Variants in SHISAL2A observed in about 807,000 individuals in gnomAD.
SHISAL2A encodes the protein protein shisa-like-2A.
Under a neutral mutation model 11.5 loss-of-function variants are expected in SHISAL2A, and 18 were observed. The observed-to-expected ratio is 1.57, with a 90% CI of 1.08 to 2.33. SHISAL2A has a LOEUF of 2.33. Among genes scored for constraint, SHISAL2A ranks in the 30% most tolerant of loss-of-function variants. The pLI, the probability that SHISAL2A is intolerant of heterozygous loss-of-function variation, is 0.00. For synonymous variants in SHISAL2A, 94 were observed against 99.6 expected (o/e 0.94, Z 0.34); for missense variants, 261 against 250.9 (o/e 1.04, Z -0.27).
At position 52,645,462 on chromosome 1, in the gene SHISAL2A, G is replaced by A. The variant is rs189853405; in HGVS notation, c.322+2460G>A. On this transcript the variant is annotated intron_variant, in intron 2 of 2. Coordinates refer to ENST00000517870, the MANE Select transcript of SHISAL2A (RefSeq NM_001042693.3). ...TCACTCCAGTTGCCCAGGCTGGAATGCAGTGGCGTAATCATGGCTCACTGC... is the reference window on the plus strand; with the variant it reads ...TCACTCCAGTTGCCCAGGCTGGAATACAGTGGCGTAATCATGGCTCACTGC... Among the ~76,000 whole-genome samples, 321 of 130,424 alleles carry A rather than the reference G, an allele frequency of 2.5e-3. 3 individuals carry two copies. The highest frequency in any genetic ancestry group is 0.019 in the Admixed American group (251 of 12,970). The allele number at this position is 130,424 out of a possible 152,430, so 85.6% of individuals were successfully genotyped here.
Position 52,633,802 on chromosome 1 carries a change from T to G in SHISAL2A, c.182+127T>G, listed in dbSNP as rs1191639816. 3 of 713,304 alleles carry G rather than the reference T, an allele frequency of 4.2e-6. No individual in the cohort carries two copies. In the African/African-American group the frequency reaches 5.7e-5, roughly 14 times the overall value. 44.2% of individuals were successfully genotyped at this position (713,304 alleles called of 1,614,324 possible). A position where few individuals can be genotyped will look rare whatever the true frequency, so the allele number is the denominator to read the frequency against. ...CAAGCTCTAGTCCTTACCGTCCTCA[T>G]GCCCACAGCATCAACCACCCCGTGA... On this transcript the variant is annotated intron_variant, in intron 1 of 2. Transcript: ENST00000517870. This position sits in a 1 kb window ranked among gnomAD's most constrained non-coding sequence, Gnocchi z 6.4.
rs772508878 is a variant in SHISAL2A, at chr1:52,633,598, C to T, written c.105C>T (p.Gly35=). The T allele has an allele frequency of 5.6e-6, 9 of 1,612,494 alleles. No homozygotes were observed. Among genetic ancestry groups the T allele is most frequent in the Admixed American group, 3.3e-5 (2 of 59,888 alleles). Residue 35 remains glycine, a synonymous_variant, in exon 1 of 3, where the codon GGC becomes GGT. Transcript: ENST00000517870. This position sits in a 1 kb window ranked among gnomAD's most constrained non-coding sequence, Gnocchi z 6.4. Reference sequence around the variant, plus strand: ...AGGCGGCCGCTGTCTTCTGCTGCGGCTTCCGCGACCACAAGTACTGCTGCG... The same window carrying T: ...AGGCGGCCGCTGTCTTCTGCTGCGGTTTCCGCGACCACAAGTACTGCTGCG... ...GGEAAAVFCC[G]FRDHKYCCDD...
chr1:52,662,511 A>AT lies in SHISAL2A; in HGVS notation n.695+2949dup, dbSNP rs547508025. Among the ~76,000 whole-genome samples, 359 of 137,698 alleles carry AT rather than the reference A, an allele frequency of 2.6e-3. 1 individual carries two copies. The highest frequency in any genetic ancestry group is 8.3e-3 in the South Asian group (35 of 4,240). The allele number at this position is 137,698 out of a possible 152,430, so 90.3% of individuals were successfully genotyped here. ...AGGCCCCTGCCAATATGCCCGGCTA[A>AT]TTTTTTTTTTTTTTTTTTAAATAAA... is the stretch of plus-strand genomic sequence containing the variant. On this transcript the variant is annotated intron_variant and non_coding_transcript_variant, in intron 4 of 5. Transcript: ENST00000401050.
intron 1 of SHISAL2A, among the ~76,000 whole-genome samples, chr1:52,638,415 A>T (rs1208767729): frequency 6.6e-6 from 1 of 152,220 alleles, no homozygotes; most frequent in African/African-American, 2.4e-5. Context: ...TGAGAAAATA[A>T]TGTTTAATTA....
chr1:52,643,509 C>A (rs1691419582), intron 2 of SHISAL2A, among the ~76,000 whole-genome samples: 1 of 152,112 alleles, frequency 6.6e-6, no homozygotes, highest in South Asian at 2.1e-4. Flanking sequence ...TGCTTTTTCA[C>A]AAGCCTTTTT....
At chr1:52,652,782 G>A (rs111937782) in intron 2 of SHISAL2A, among the ~76,000 whole-genome samples, 9,221 of 151,390 alleles carry the variant, frequency 0.061, 742 homozygotes, top group African/African-American at 0.18. Flanking sequence ...TGGCTAACAC[G>A]GTGAAACCCC....
downstream of SHISAL2A, among the ~76,000 whole-genome samples, chr1:52,661,457 A>G (rs1691905681): frequency 1.3e-5 from 2 of 152,192 alleles, no homozygotes; most frequent in Admixed American, 1.3e-4. Flanking sequence ...GACTCATGAC[A>G]CTGCTCCTCC....
chr1:52,642,966 A>T lies in SHISAL2A; in HGVS notation c.286A>T (p.Thr96Ser), dbSNP rs757928730. ...CYLFISSKPH[T>S]KLDLGLSLQT... ...CCTGTTCATCAGCTCTAAGCCCCAC[A>T]CAAAGTTGGACCTGGGCTTGAGCTT... The change falls in exon 2 of 3, where the codon ACA becomes TCA. Residue 96 changes from threonine (T) to serine (S), a missense_variant. By Grantham distance (58) the Thr-to-Ser change is moderately conservative (BLOSUM62 1). Coordinates refer to ENST00000517870, the MANE Select transcript of SHISAL2A (RefSeq NM_001042693.3). 6.2e-7 allele frequency: 1 copy of T among 1,614,146 alleles called. No homozygotes were observed. Among genetic ancestry groups the T allele is most frequent in the South Asian group, 1.1e-5 (1 of 91,080 alleles).
intron 2 of SHISAL2A, among the ~76,000 whole-genome samples, chr1:52,655,776 G>A (rs951130327): frequency 2.0e-5 from 3 of 152,234 alleles, no homozygotes; most frequent in African/African-American, 4.8e-5. Flanking sequence ...GAGATTGAAA[G>A]CTTTCAGAAA....
intron 2 of SHISAL2A, among the ~76,000 whole-genome samples, chr1:52,647,043 A>G (rs1226200606): frequency 6.6e-6 from 1 of 152,090 alleles, no homozygotes. Flanking sequence ...TATATTGGCC[A>G]GGCTGGTCTT....
At chr1:52,638,836 A>T (rs963844783) in intron 1 of SHISAL2A, among the ~76,000 whole-genome samples, 6 of 152,176 alleles carry the variant, frequency 3.9e-5, no homozygotes, top group Non-Finnish European at 8.8e-5. Flanking sequence ...ATCCTGCACT[A>T]TTGACTTGCC....
chr1:52,666,879 C>T lies in SHISAL2A; in HGVS notation n.696-520C>T, dbSNP rs79334821. Among the ~76,000 whole-genome samples the T allele has an allele frequency of 7.1e-4, 108 of 152,320 alleles. No homozygotes were observed. The Middle Eastern group carries it at 0.014, about 19-fold the overall frequency. Reference sequence around the variant, plus strand: ...ACTATGTGTTTAGGACAGACTCTGCCTCTAGCCACACAGATACTTGCTGAT... The same window carrying T: ...ACTATGTGTTTAGGACAGACTCTGCTTCTAGCCACACAGATACTTGCTGAT... On this transcript the variant is annotated intron_variant and non_coding_transcript_variant, in intron 4 of 5. Transcript: ENST00000401050.
At chr1:52,644,110 G>A (rs1012198184) in intron 2 of SHISAL2A, among the ~76,000 whole-genome samples, 3 of 152,160 alleles carry the variant, frequency 2.0e-5, no homozygotes, top group Non-Finnish European at 4.4e-5. Flanking sequence ...TAAGTGGTGG[G>A]CTGAAATACA....
At chr1:52,642,447 A>G (rs1439997786) in intron 1 of SHISAL2A, among the ~76,000 whole-genome samples, 1 of 145,814 alleles carries the variant, frequency 6.9e-6, no homozygotes, top group Non-Finnish European at 1.5e-5. Context: ...TTTTTTTGAG[A>G]TGGAGTCTTG....
intron 1 of SHISAL2A, among the ~76,000 whole-genome samples, chr1:52,635,357 A>G (rs1443529374): frequency 7.0e-6 from 1 of 143,516 alleles, no homozygotes; most frequent in Non-Finnish European, 1.5e-5. Context: ...CTCATTCCCC[A>G]CCCCCCACCC....
At chr1:52,662,177 AT>A (rs369547531) in intron 4 of SHISAL2A, among the ~76,000 whole-genome samples, 227 of 152,306 alleles carry the variant, frequency 1.5e-3, no homozygotes, top group African/African-American at 5.1e-3. Flanking sequence ...GGTAAGGACC[AT>A]TAGAGTTGCA....
intron 2 of SHISAL2A, among the ~76,000 whole-genome samples, chr1:52,644,192 A>G (rs1691439632): frequency 6.6e-6 from 1 of 152,210 alleles, no homozygotes; most frequent in Non-Finnish European, 1.5e-5. Context: ...AAATTGTTTG[A>G]TACAAAGTGT....
chr1:52,647,847 AAAAAAAAG>A (rs1458406452), intron 2 of SHISAL2A, among the ~76,000 whole-genome samples: 2 of 151,608 alleles, frequency 1.3e-5, no homozygotes, highest in African/African-American at 4.8e-5. Context: ...CTGTCTCAAA[AAAAAAAAG>A]AAAAAAAGAA....
intron 1 of SHISAL2A, 131 bp from the exon 2 acceptor site, chr1:52,642,732 T>G (rs1432403725): frequency 3.0e-6 from 3 of 1,003,266 alleles, no homozygotes; most frequent in Non-Finnish European, 2.9e-6. Context: ...CCTAAAATTT[T>G]TTTTAAATAT....
Sources: gnomAD v4.1 joint callset for allele counts (sites outside exome capture counted in the v4.1 genomes callset) on GRCh38, gnomAD v4.1.1 for gene constraint, Gnocchi (gnomAD v3.1) non-coding constraint, MANE v1.5 for transcripts, NCBI Gene and HGNC (gene_info 2026-07-23, HGNC 2026-07-21) for gene names.